RAP1GAP: variants seen among roughly 807,000 people sequenced by gnomAD.
RAP1GAP encodes RAP1 GTPase activating protein.
A neutral mutation model predicts 87.2 loss-of-function variants in RAP1GAP; 35 were observed. That is an observed-to-expected ratio of 0.40 (90% CI 0.31 to 0.53). RAP1GAP has a LOEUF of 0.53. Ranked by LOEUF, RAP1GAP falls within the 20% of genes least tolerant of loss-of-function variation. RAP1GAP has a pLI of 0.48. For missense variants in RAP1GAP, 734 were observed against 898.9 expected (o/e 0.82, Z 2.35); for synonymous variants, 375 against 363.9 (o/e 1.03, Z -0.35).
At chr1:21,640,665 G>A (rs2095432882) in intron 2 of RAP1GAP, among the ~76,000 whole-genome samples, 1 of 152,178 alleles carries the variant, frequency 6.6e-6, no homozygotes, top group Non-Finnish European at 1.5e-5. Flanking sequence ...ACAAGCAGCA[G>A]TTCCCTTACC....
intron 1 of RAP1GAP, among the ~76,000 whole-genome samples, chr1:21,654,747 G>A (rs111990883): frequency 1.7e-3 from 254 of 152,250 alleles, no homozygotes; most frequent in African/African-American, 5.7e-3. Context: ...TGGGAGGATT[G>A]CTCAAGCCTG....
intron 2 of RAP1GAP, among the ~76,000 whole-genome samples, chr1:21,640,399 G>A (rs1226447140): frequency 1.3e-5 from 2 of 152,166 alleles, no homozygotes; most frequent in Non-Finnish European, 2.9e-5. Context: ...TGCTAGAAAT[G>A]GGGTTTCTTC....
chr1:21,642,914 A>ACACACACT (rs1491043761), intron 2 of RAP1GAP, among the ~76,000 whole-genome samples: 1 of 149,244 alleles, frequency 6.7e-6, no homozygotes, highest in Non-Finnish European at 1.5e-5. Context: ...ACACACACAC[A>ACACACACT]CTGCCACTTG....
chr1:21,636,849 A>AAGG (rs541438454), intron 2 of RAP1GAP, among the ~76,000 whole-genome samples: 20 of 146,894 alleles, frequency 1.4e-4, no homozygotes, highest in Admixed American at 7.5e-4. Context: ...GAAGAAGAAG[A>AAGG]AGGAGGAGGA....
chr1:21,619,211 G>C (rs2084728692), intron 4 of RAP1GAP, 139 bp from the exon 5 acceptor site: 2 of 880,268 alleles, frequency 2.3e-6, no homozygotes, highest in Non-Finnish European at 3.5e-6. Flanking sequence ...GTGCTAGCTG[G>C]CTGGGGGCCC....
chr1:21,647,443 G>A (rs955717937), intron 2 of RAP1GAP, among the ~76,000 whole-genome samples: 2 of 152,132 alleles, frequency 1.3e-5, no homozygotes, highest in Non-Finnish European at 2.9e-5. Flanking sequence ...CAGCCTGGGC[G>A]ACAGAGTGAG....
intron 1 of RAP1GAP, among the ~76,000 whole-genome samples, chr1:21,658,558 C>G (rs1259432872): frequency 6.6e-6 from 1 of 151,636 alleles, no homozygotes; most frequent in Non-Finnish European, 1.5e-5. Context: ...TTTTGAGACT[C>G]TGTCTCAAAA....
At chr1:21,654,295 T>TG (rs1457217587) in intron 1 of RAP1GAP, among the ~76,000 whole-genome samples, 1 of 152,228 alleles carries the variant, frequency 6.6e-6, no homozygotes, top group African/African-American at 2.4e-5. Context: ...CAATGGACAT[T>TG]GAGGCATGTG....
At chr1:21,619,497 A>G (rs2995002) in intron 4 of RAP1GAP, among the ~76,000 whole-genome samples, 151,876 of 152,076 alleles carry the variant, frequency 1, 75,839 homozygotes, top group Middle Eastern at 1. Context: ...AGGAGGCATC[A>G]AAGATCAGAG....
At chr1:21,657,404 A>G (rs1394016695) in intron 1 of RAP1GAP, among the ~76,000 whole-genome samples, 1 of 152,284 alleles carries the variant, frequency 6.6e-6, no homozygotes, top group African/African-American at 2.4e-5. Flanking sequence ...ATTTATGTTC[A>G]TACAATATAC....
rs1368999717 is a variant in RAP1GAP, at chr1:21,603,525, G to C, written c.1429-612C>G. On this transcript the variant is annotated intron_variant, in intron 18 of 24. Coordinates refer to ENST00000374765, the MANE Select transcript of RAP1GAP (RefSeq NM_002885.4). The surrounding 1 kb of genome is among the most constrained non-coding windows in gnomAD (Gnocchi z 6.0). Reference sequence around the variant, plus strand: ...GAGGGATGGCGCTCCATGCAGACCGGCGATATTGGGGGACGTGCGGCTGGG... The same window carrying C: ...GAGGGATGGCGCTCCATGCAGACCGCCGATATTGGGGGACGTGCGGCTGGG... The C allele has an allele frequency of 1.7e-6, 1 of 603,552 alleles. No homozygotes were observed. The allele number at this position is 603,552 out of a possible 1,614,324, so 37.4% of individuals were successfully genotyped here.
At chr1:21,657,036 A>T (rs750773670) in intron 1 of RAP1GAP, among the ~76,000 whole-genome samples, 68 of 152,254 alleles carry the variant, frequency 4.5e-4, no homozygotes, top group South Asian at 6.2e-4. Flanking sequence ...AACAAGACAG[A>T]CAAGGTCTCT....
chr1:21,663,739 C>CT (rs1381508081), intron 1 of RAP1GAP, among the ~76,000 whole-genome samples: 1 of 152,186 alleles, frequency 6.6e-6, no homozygotes, highest in Non-Finnish European at 1.5e-5. Context: ...CACCTTCCCT[C>CT]TGCTGCCCCC....
chr1:21,664,681 T>G (rs1468261372), intron 1 of RAP1GAP, among the ~76,000 whole-genome samples: 2 of 152,192 alleles, frequency 1.3e-5, no homozygotes. Flanking sequence ...CCATGCCAAC[T>G]ACTTTGGAAA....
Position 21,622,291 on chromosome 1 carries a change from AC to A in RAP1GAP, c.-18-2242del. 3 of 491,354 alleles carry A rather than the reference AC, an allele frequency of 6.1e-6. No homozygotes were observed. Among genetic ancestry groups the A allele is most frequent in the Admixed American group, 3.8e-5 (1 of 26,016 alleles). The allele number at this position is 491,354 out of a possible 1,614,324, so 30.4% of individuals were successfully genotyped here. On this transcript the variant is annotated intron_variant, in intron 3 of 24. Coordinates refer to ENST00000374765, the MANE Select transcript of RAP1GAP (RefSeq NM_002885.4). This position sits in a 1 kb window ranked among gnomAD's most constrained non-coding sequence, Gnocchi z 5.7. The stretch of plus-strand genomic sequence containing the variant: ...GCCGGGCTCCCCAGCAGTCGGGGTG[AC>A]CCAGCCCCGGGGTCCCTCCGCCATG...
intron 5 of RAP1GAP, 101 bp downstream of exon 5, chr1:21,618,924 C>G: frequency 3.0e-6 from 4 of 1,343,716 alleles, no homozygotes; most frequent in Non-Finnish European, 4.1e-6. Context: ...AGACTACTTG[C>G]TGAAAGGGGA....
chr1:21,648,688 C>T (rs1008071626), intron 2 of RAP1GAP, among the ~76,000 whole-genome samples: 2 of 152,220 alleles, frequency 1.3e-5, no homozygotes, highest in East Asian at 3.8e-4. Flanking sequence ...TTTATCCCCC[C>T]TCAGTCTACC....
chr1:21,628,118 G>A (rs1361753495), intron 2 of RAP1GAP, among the ~76,000 whole-genome samples: 1 of 152,194 alleles, frequency 6.6e-6, no homozygotes, highest in Non-Finnish European at 1.5e-5. Context: ...ATGACTGAAT[G>A]AATGAATGAA....
At chr1:21,628,903 AG>A (rs1423268248) in intron 2 of RAP1GAP, among the ~76,000 whole-genome samples, 2 of 146,252 alleles carry the variant, frequency 1.4e-5, no homozygotes, top group African/African-American at 5.0e-5. Flanking sequence ...AAAAAAAAGG[AG>A]GGGGGAAGGG....
Sources: gnomAD v4.1 joint callset for allele counts (sites outside exome capture counted in the v4.1 genomes callset) on GRCh38, gnomAD v4.1.1 for gene constraint, Gnocchi (gnomAD v3.1) non-coding constraint, MANE v1.5 for transcripts, NCBI Gene and HGNC (gene_info 2026-07-23, HGNC 2026-07-21) for gene names.